Variants in SIM2 observed in about 807,000 individuals in gnomAD.
The protein encoded by SIM2 is single-minded homolog 2.
A neutral mutation model predicts 64.8 loss-of-function variants in SIM2; 28 were observed. That is an observed-to-expected ratio of 0.43 (90% CI 0.32 to 0.59). The LOEUF (loss-of-function observed/expected upper bound fraction) is 0.59, where lower values mean the gene tolerates loss of function less well. SIM2 is among the 20% of genes least tolerant of loss of function. SIM2 has a pLI of 0.07. For missense variants in SIM2, 847 were observed against 871.4 expected, an observed-to-expected ratio of 0.97 and a Z score of 0.35; for synonymous variants, 408 against 391.1, an observed-to-expected ratio of 1.04 and a Z score of -0.51.
At chr21:36,700,016 C>T (rs1435597943) in intron 1 of SIM2, 95 bp downstream of exon 1, 6 of 1,315,206 alleles carry the variant, frequency 4.6e-6, no homozygotes, top group African/African-American at 3.1e-5. Context: ...GGGGTTGCCG[C>T]GGCCTGGCGT....
rs748878245 is a variant in SIM2 at position 36,719,831 on chromosome 21, C to T, written c.359C>T (p.Thr120Met). 19 of 1,608,528 alleles carry T rather than the reference C, an allele frequency of 1.2e-5. No individual in the cohort carries two copies. The highest frequency in any genetic ancestry group is 2.2e-5 in the South Asian group (2 of 90,970). Residue 120 changes from threonine to methionine, a missense_variant, in exon 4 of 11, where the codon ACG (threonine) becomes ATG (methionine). Thr to Met is a moderately conservative substitution (Grantham distance 81, BLOSUM62 -1). Transcript: ENST00000290399. ...VHLGLSQVEL[T>M]GNSIYEYIHP... ...TCCCTTCCACGGCAGGTGGAGCTCA[C>T]GGGCAACAGTATTTATGAATACATC...
chr21:36,729,083 A>G (rs1007159577), intron 6 of SIM2, among the ~76,000 whole-genome samples: 1 of 152,168 alleles, frequency 6.6e-6, no homozygotes, highest in Non-Finnish European at 1.5e-5. Context: ...AAACCCCTCC[A>G]TTTCCCTTTA....
intron 7 of SIM2, among the ~76,000 whole-genome samples, chr21:36,737,224 C>T (rs959719545): frequency 2.0e-5 from 3 of 152,222 alleles, no homozygotes; most frequent in African/African-American, 4.8e-5. Flanking sequence ...CCACCATACC[C>T]GGCCCCAGAA....
chr21:36,741,978 TTC>T (rs1377731694), intron 8 of SIM2, 114 bp downstream of exon 8: 6 of 1,143,230 alleles, frequency 5.2e-6, no homozygotes, highest in African/African-American at 1.6e-5. Flanking sequence ...TTCATTTGTC[TTC>T]TGTTTTTTTT....
intron 7 of SIM2, among the ~76,000 whole-genome samples, chr21:36,740,409 G>A (rs886376591): frequency 1.3e-5 from 2 of 152,114 alleles, no homozygotes; most frequent in Admixed American, 6.5e-5. Context: ...CAAGGGAGTT[G>A]GGCATTTGTT....
At chr21:36,734,821 C>A (rs184930027) in intron 7 of SIM2, among the ~76,000 whole-genome samples, 1 of 152,216 alleles carries the variant, frequency 6.6e-6, no homozygotes, top group African/African-American at 2.4e-5. Flanking sequence ...GGAGGCCTCA[C>A]TCTCCTTCCC....
In SIM2 at chr21:36,699,135, C is replaced by G. The variant is rs1011206623; in HGVS notation, c.-612C>G. On this transcript the variant is annotated 5_prime_UTR_variant, in exon 1 of 11. Transcript: ENST00000290399. The surrounding 1 kb of genome is among the most constrained non-coding windows in gnomAD (Gnocchi z 5.6). Reference sequence around the variant, plus strand: ...CTGCCATAAACAAACGCGGCTCGGCCGCACGTGGACAGCGGAGGTGCTGCG... The same window carrying G: ...CTGCCATAAACAAACGCGGCTCGGCGGCACGTGGACAGCGGAGGTGCTGCG... The G allele has an allele frequency of 6.6e-6, 1 of 151,422 alleles. No individual in the cohort carries two copies. The highest frequency in any genetic ancestry group is 1.5e-5 in the Non-Finnish European group (1 of 67,756). 9.4% of individuals were successfully genotyped at this position (151,422 alleles called of 1,614,324 possible).
intron 6 of SIM2, among the ~76,000 whole-genome samples, chr21:36,730,253 A>G (rs1275991636): frequency 1.3e-5 from 2 of 152,232 alleles, no homozygotes; most frequent in African/African-American, 4.8e-5. Context: ...GGGATGGAGG[A>G]ACCAAATGTG....
At chr21:36,735,121 G>A (rs1048702366) in intron 7 of SIM2, among the ~76,000 whole-genome samples, 1 of 152,194 alleles carries the variant, frequency 6.6e-6, no homozygotes, top group African/African-American at 2.4e-5. Flanking sequence ...AGAGGGGAGA[G>A]TGAGCTGAGG....
Position 36,741,812 on chromosome 21 carries a change from A to G in SIM2, c.946A>G (p.Asn316Asp), listed in dbSNP as rs779487146. The G allele has an allele frequency of 3.1e-6, 5 of 1,610,142 alleles. No homozygotes were observed. Among genetic ancestry groups the G allele is most frequent in the Non-Finnish European group, 8.5e-7 (1 of 1,178,902 alleles). Reference protein sequence around the residue: ...WVQSYATVVHNSRSSRPHCIV... With the variant: ...WVQSYATVVHDSRSSRPHCIV... ...GCAGAGCTACGCCACCGTGGTGCAC[A>G]ACAGCCGCTCGTCCCGGCCCCACTG... The change falls in exon 8 of 11, where the codon AAC (asparagine) becomes GAC (aspartate). Residue 316 changes from asparagine (N) to aspartate (D), a missense_variant. Asn to Asp is a conservative substitution (Grantham distance 23). Transcript: ENST00000290399.
chr21:36,733,840 C>T (rs993980550), intron 7 of SIM2, among the ~76,000 whole-genome samples: 2 of 152,050 alleles, frequency 1.3e-5, no homozygotes, highest in African/African-American at 4.8e-5. Context: ...GGATTACAGG[C>T]GTGAGCCACC....
intron 9 of SIM2, 36 bp downstream of exon 9, chr21:36,743,591 A>C: frequency 6.3e-7 from 1 of 1,599,808 alleles, no homozygotes; most frequent in Non-Finnish European, 8.5e-7. Flanking sequence ...GGGTGCTGAC[A>C]TCTATCCTAG....
At chr21:36,737,973 A>AAAAAAAAAAAAAAAAAAAAAAAAAAGC (rs1555877008) in intron 7 of SIM2, among the ~76,000 whole-genome samples, 1 of 120,240 alleles carries the variant, frequency 8.3e-6, no homozygotes, top group Non-Finnish European at 2.0e-5. Context: ...AAAAAAAAAA[A>AAAAAAAAAAAAAAAAAAAAAAAAAAGC]AAAAAAAAAG....
chr21:36,704,904 C>A (rs2088557766), intron 1 of SIM2, among the ~76,000 whole-genome samples: 1 of 152,356 alleles, frequency 6.6e-6, no homozygotes, highest in South Asian at 2.1e-4. Context: ...TTTCAGGGAC[C>A]CCGGGGAGAA....
At chr21:36,708,519 A>C (rs1173043945) in intron 1 of SIM2, among the ~76,000 whole-genome samples, 1 of 152,090 alleles carries the variant, frequency 6.6e-6, no homozygotes, top group Non-Finnish European at 1.5e-5. Flanking sequence ...GGCAGATTGG[A>C]GTCTGCTCTC....
rs1024093257 is a variant in SIM2, at chr21:36,707,586, G to GT, written c.176-1574dup. On this transcript the variant is annotated intron_variant, in intron 1 of 10. Coordinates refer to ENST00000290399, the MANE Select transcript of SIM2 (RefSeq NM_005069.6). ...TCCCTTTTTAAATTGAGGAATAGTG[G>GT]TTTTTTTTAACTTTTTTTTTTTTAG... 1.8e-4 allele frequency among the ~76,000 whole-genome samples: 27 copies of GT among 151,878 alleles called. 1 individual carries two copies. Among genetic ancestry groups the GT allele is most frequent in the African/African-American group, 3.9e-4 (16 of 41,428 alleles).
chr21:36,725,817 C>T lies in SIM2; in HGVS notation c.544-302C>T, dbSNP rs150378669. 2.3e-3 allele frequency among the ~76,000 whole-genome samples: 344 copies of T among 152,236 alleles called. 2 individuals carry two copies. The highest frequency in any genetic ancestry group is 7.9e-3 in the African/African-American group (327 of 41,542). The stretch of plus-strand genomic sequence containing the variant: ...TGTATTTTTTGTAGAGAAGGGGTTT[C>T]GCCATGTCACCAAGGCTGGTCTCGA... On this transcript the variant is annotated intron_variant, in intron 5 of 10. Transcript: ENST00000290399.
rs1000538423 is a variant in SIM2 at position 36,747,280 on chromosome 21, T to C, written c.1577-385T>C. Among the ~76,000 whole-genome samples the C allele has an allele frequency of 6.6e-6, 1 of 152,074 alleles. No homozygotes were observed. The highest frequency in any genetic ancestry group is 2.4e-5 in the African/African-American group (1 of 41,380). On this transcript the variant is annotated intron_variant, in intron 10 of 10. Transcript: ENST00000290399. This position sits in a 1 kb window ranked among gnomAD's most constrained non-coding sequence, Gnocchi z 4.5. ...AGGTAGCCACCAACCCCGTGTGGTCTTGAACATGGAAATGTGGCCAGTGCA... is the reference window on the plus strand; with the variant it reads ...AGGTAGCCACCAACCCCGTGTGGTCCTGAACATGGAAATGTGGCCAGTGCA...
At chr21:36,706,402 G>A (rs1234030906) in intron 1 of SIM2, among the ~76,000 whole-genome samples, 1 of 152,092 alleles carries the variant, frequency 6.6e-6, no homozygotes, top group Non-Finnish European at 1.5e-5. Flanking sequence ...CCACCCCTCC[G>A]GCAGGAAACC....
Sources: gnomAD v4.1 joint callset for allele counts (sites outside exome capture counted in the v4.1 genomes callset) on GRCh38, gnomAD v4.1.1 for gene constraint, Gnocchi (gnomAD v3.1) non-coding constraint, MANE v1.5 for transcripts, NCBI Gene and HGNC (gene_info 2026-07-23, HGNC 2026-07-21) for gene names.